The following COBLL1 variants were observed in gnomAD, a reference collection of about 807,000 sequenced individuals.
COBLL1 encodes the protein cordon-bleu WH2 repeat protein like 1, also known as cordon-bleu protein-like 1.
COBLL1 carries 50 observed loss-of-function variants against 94.8 expected under a neutral mutation model. The ratio of observed to expected loss-of-function variants is 0.53; its 90% CI spans 0.42 to 0.67. COBLL1 has a LOEUF of 0.67. Among genes scored for constraint, COBLL1 ranks in the 30% least tolerant of loss-of-function variants. The pLI is 0.00. For synonymous variants in COBLL1, 448 were observed against 473.8 expected (o/e 0.95, Z 0.71); for missense variants, 1,362 against 1,348.7 (o/e 1.01, Z -0.15).
chr2:164,806,594 A>G (rs2105331369), intron 2 of COBLL1, among the ~76,000 whole-genome samples: 1 of 152,318 alleles, frequency 6.6e-6, no homozygotes, highest in South Asian at 2.1e-4. Context: ...GCTTGTTTCT[A>G]TAAATGACCC....
chr2:164,691,762 T>C (rs1415656041), intron 13 of COBLL1, among the ~76,000 whole-genome samples: 1 of 152,210 alleles, frequency 6.6e-6, no homozygotes, highest in Admixed American at 6.5e-5. Flanking sequence ...ATCTACATTC[T>C]CTAGATATTC....
intron 7 of COBLL1, among the ~76,000 whole-genome samples, chr2:164,709,228 A>AT (rs1684760467): frequency 6.6e-6 from 1 of 152,168 alleles, no homozygotes; most frequent in African/African-American, 2.4e-5. Context: ...TAAATGCTAA[A>AT]TTTTTTTCAA....
At chr2:164,664,702 C>G (rs1187321401) in intron 2 of COBLL1, among the ~76,000 whole-genome samples, 1 of 152,096 alleles carries the variant, frequency 6.6e-6, no homozygotes, top group East Asian at 1.9e-4. Flanking sequence ...CATAAGGCGT[C>G]TATTTATATT....
At chr2:164,751,481 C>T (rs573405565) in intron 2 of COBLL1, among the ~76,000 whole-genome samples, 3 of 151,078 alleles carry the variant, frequency 2.0e-5, no homozygotes, top group East Asian at 3.9e-4. Flanking sequence ...TGAGAGTCAA[C>T]CTGTTCTGTA....
At chr2:164,687,859 G>T (rs546275848) in intron 13 of COBLL1, 38 of 267,904 alleles carry the variant, frequency 1.4e-4, no homozygotes, top group African/African-American at 7.6e-4. Flanking sequence ...TGCCAAAATT[G>T]CAGTTCTCAT....
At chr2:164,839,646 T>C (rs1683490998) in intron 2 of COBLL1, among the ~76,000 whole-genome samples, 1 of 152,212 alleles carries the variant, frequency 6.6e-6, no homozygotes, top group Non-Finnish European at 1.5e-5. Flanking sequence ...ACCTAATCCA[T>C]TTCCAAATCC....
rs564208715 is a variant in COBLL1 at position 164,753,509 on chromosome 2, A to C, written c.42-9634T>G. ...AAATACGACTTGCCTGCTTCTTCCA[A>C]GTACTCTTTCAAGTACCTTGTCATT... On this transcript the variant is annotated intron_variant, in intron 2 of 13. Transcript: ENST00000652658. Among the ~76,000 whole-genome samples the C allele has an allele frequency of 7.9e-5, 12 of 152,150 alleles. No homozygotes were observed. In the South Asian group the frequency reaches 8.3e-4, roughly 11 times the overall value.
At chr2:164,786,118 A>G (rs781198129) in intron 2 of COBLL1, among the ~76,000 whole-genome samples, 1 of 152,234 alleles carries the variant, frequency 6.6e-6, no homozygotes, top group Non-Finnish European at 1.5e-5. Flanking sequence ...TTTGCTGCAT[A>G]TAGAAATGAA....
chr2:164,701,842 A>T (rs914735739), intron 9 of COBLL1, among the ~76,000 whole-genome samples: 1 of 130,196 alleles, frequency 7.7e-6, no homozygotes, highest in Admixed American at 9.3e-5. Context: ...TTCCATATAC[A>T]CCACAGTATC....
At chr2:164,829,832 A>C (rs183628672) in intron 2 of COBLL1, among the ~76,000 whole-genome samples, 1 of 152,166 alleles carries the variant, frequency 6.6e-6, no homozygotes, top group Non-Finnish European at 1.5e-5. Context: ...AGCAGTGTCA[A>C]ATTTCAGAAG....
At chr2:164,804,716 T>A (rs960760264) in intron 2 of COBLL1, among the ~76,000 whole-genome samples, 1 of 152,194 alleles carries the variant, frequency 6.6e-6, no homozygotes, top group Admixed American at 6.5e-5. Context: ...ATCATGAAGA[T>A]TAGTTAATAA....
intron 2 of COBLL1, among the ~76,000 whole-genome samples, chr2:164,826,277 T>G (rs978171484): frequency 6.6e-6 from 1 of 152,236 alleles, no homozygotes; most frequent in Non-Finnish European, 1.5e-5. Flanking sequence ...CATTTTGCAT[T>G]CAATGTGCCA....
chr2:164,763,481 C>T (rs1687790747), intron 2 of COBLL1, among the ~76,000 whole-genome samples: 1 of 152,094 alleles, frequency 6.6e-6, no homozygotes, highest in Admixed American at 6.5e-5. Flanking sequence ...ATCCTACTAC[C>T]AGGAAGTTAT....
intron 2 of COBLL1, among the ~76,000 whole-genome samples, chr2:164,805,337 C>CTATATATA (rs71028444): frequency 0.025 from 422 of 17,006 alleles, 47 homozygotes; most frequent in South Asian, 0.041. Flanking sequence ...CTCTCTCTCT[C>CTATATATA]TATATATATA....
chr2:164,785,937 A>G (rs1451723474), intron 2 of COBLL1, among the ~76,000 whole-genome samples: 2 of 142,406 alleles, frequency 1.4e-5, no homozygotes, highest in African/African-American at 2.7e-5. Context: ...TTTTTTTTTA[A>G]GTACCAAGCA....
chr2:164,702,575 A>AT (rs1470498342), intron 9 of COBLL1, among the ~76,000 whole-genome samples: 20 of 135,080 alleles, frequency 1.5e-4, no homozygotes, highest in South Asian at 9.1e-4. Context: ...AAAAAAAAAA[A>AT]AATAATAATA....
intron 2 of COBLL1, among the ~76,000 whole-genome samples, chr2:164,801,104 C>G (rs936104926): frequency 2.0e-5 from 3 of 151,760 alleles, no homozygotes; most frequent in African/African-American, 7.3e-5. Context: ...TCAAGACCAG[C>G]CTGGGGAACA....
chr2:164,671,229 T>C (rs912001314), intron 1 of COBLL1, among the ~76,000 whole-genome samples: 3 of 152,180 alleles, frequency 2.0e-5, no homozygotes, highest in Non-Finnish European at 4.4e-5. Context: ...TAAATTAGAA[T>C]ACTATAACAA....
At chr2:164,692,451 T>C (rs1683668145) in intron 12 of COBLL1, 54 bp from the exon 13 acceptor site, 4 of 1,441,882 alleles carry the variant, frequency 2.8e-6, no homozygotes. Flanking sequence ...GAATGGGCCA[T>C]TTTTTGCAAA....
Sources: gnomAD v4.1 joint callset for allele counts (sites outside exome capture counted in the v4.1 genomes callset) on GRCh38, gnomAD v4.1.1 for gene constraint, MANE v1.5 for transcripts, NCBI Gene and HGNC (gene_info 2026-07-23, HGNC 2026-07-21) for gene names.